The following RPL26L1 variants were observed in gnomAD, a reference collection of about 807,000 sequenced individuals.
RPL26L1 encodes ribosomal protein uL24-like.
Under a neutral mutation model 15.2 loss-of-function variants are expected in RPL26L1, and 8 were observed. That is an observed-to-expected ratio of 0.53 (90% CI 0.31 to 0.95). The LOEUF (loss-of-function observed/expected upper bound fraction) is 0.95. Among genes scored for constraint, RPL26L1 ranks in the 40% least tolerant of loss-of-function variants. RPL26L1 has a pLI of 0.05. For missense variants in RPL26L1, 146 were observed against 190.9 expected, an observed-to-expected ratio of 0.76 and a Z score of 1.39; for synonymous variants, 51 against 65.9, an observed-to-expected ratio of 0.77 and a Z score of 1.09.
chr5:172,968,413 C>CTACTACAATTGTATG (rs1156805970), intron 2 of RPL26L1, 46 bp from the exon 3 acceptor site: 2 of 1,602,740 alleles, frequency 1.2e-6, no homozygotes, highest in Admixed American at 3.4e-5. Flanking sequence ...TCTTTATGAT[C>CTACTACAATTGTATG]ATGCACTACA....
intron 2 of RPL26L1, 123 bp from the exon 3 acceptor site, chr5:172,968,336 T>A (rs755230980): frequency 1.1e-5 from 14 of 1,273,442 alleles, no homozygotes; most frequent in African/African-American, 1.5e-5. Context: ...AATTTTTGAC[T>A]GCCAGGATTA....
intron 3 of RPL26L1, among the ~76,000 whole-genome samples, chr5:172,968,951 G>A (rs1294006850): frequency 6.6e-6 from 1 of 151,562 alleles, no homozygotes; most frequent in African/African-American, 2.4e-5. Flanking sequence ...GGGACTACAG[G>A]CACACACCAC....
In RPL26L1 at chr5:172,959,972, G is replaced by A. The variant is rs904686209; in HGVS notation, c.99G>A (p.Pro33=). The change falls in exon 2 of 4, where the codon CCG becomes CCA. Residue 33 remains proline (P), a synonymous_variant. Transcript: ENST00000265100. ...SHVRRKIMSS[P]LSKELRQKYN... ...TGCGCAGGAAGATCATGTCATCCCC[G>A]CTCTCCAAGGAGCTGCGGCAGAAGT... 6.2e-6 allele frequency: 10 copies of A among 1,614,154 alleles called. No individual in the cohort carries two copies. The highest frequency in any genetic ancestry group is 8.5e-6 in the Non-Finnish European group (10 of 1,180,044).
chr5:172,967,427 T>C (rs983743858), intron 2 of RPL26L1, among the ~76,000 whole-genome samples: 2 of 152,026 alleles, frequency 1.3e-5, no homozygotes, highest in Admixed American at 1.3e-4. Context: ...ATCATGCCAG[T>C]GCCCTCCAGC....
At position 172,960,035 on chromosome 5, in the gene RPL26L1, G is replaced by A. The variant is rs759327366; in HGVS notation, c.162G>A (p.Glu54=). The A allele has an allele frequency of 1.3e-5, 21 of 1,614,084 alleles. No homozygotes were observed. The highest frequency in any genetic ancestry group is 1.6e-5 in the Non-Finnish European group (19 of 1,179,982). Residue 54 remains glutamate, a synonymous_variant, in exon 2 of 4, where the codon GAG becomes GAA. Coordinates refer to ENST00000265100, the MANE Select transcript of RPL26L1 (RefSeq NM_016093.4). ...CCATGCCCATCCGCAAGGACGACGAGGTCCAGGTACGTCTCCCTCCGGCGC... is the reference window on the plus strand; with the variant it reads ...CCATGCCCATCCGCAAGGACGACGAAGTCCAGGTACGTCTCCCTCCGGCGC... ...VRSMPIRKDD[E]VQVVRGHYKG...
At chr5:172,955,366 T>C (rs977694894), upstream of RPL26L1, 1 of 193,728 alleles carries the variant, frequency 5.2e-6, no homozygotes, top group Admixed American at 5.5e-5. Flanking sequence ...TGACCTCAGG[T>C]GATCCACCTG....
At chr5:172,968,835 TGCTC>T (rs1755576486) in intron 3 of RPL26L1, among the ~76,000 whole-genome samples, 1 of 111,682 alleles carries the variant, frequency 9.0e-6, no homozygotes, top group South Asian at 3.1e-4. Flanking sequence ...TTGAGACGGA[TGCTC>T]GCTCTGTCAC....
upstream of RPL26L1, chr5:172,956,112 C>T (rs556285270): frequency 6.6e-6 from 1 of 152,188 alleles, no homozygotes; most frequent in South Asian, 2.1e-4. Context: ...TTTAATTACA[C>T]AAATAACACA....
chr5:172,960,414 A>G (rs7721979), intron 2 of RPL26L1, among the ~76,000 whole-genome samples: 125,583 of 152,002 alleles, frequency 0.83, 52,910 homozygotes, highest in Non-Finnish European at 0.91. Flanking sequence ...ACCGTGCCCC[A>G]CCAAAAATAC....
intron 3 of RPL26L1, among the ~76,000 whole-genome samples, chr5:172,969,004 C>T (rs1755583052): frequency 6.6e-6 from 1 of 151,780 alleles, no homozygotes; most frequent in African/African-American, 2.4e-5. Context: ...GATGGGGTTT[C>T]ACCATGTTGG....
chr5:172,956,010 G>T (rs1207536867), upstream of RPL26L1: 1 of 152,134 alleles, frequency 6.6e-6, no homozygotes, highest in Non-Finnish European at 1.5e-5. Context: ...TTTTGGTTTT[G>T]TTTTTCCTTT....
chr5:172,969,101 C>T (rs1013435646), intron 3 of RPL26L1, among the ~76,000 whole-genome samples: 1 of 151,904 alleles, frequency 6.6e-6, no homozygotes, highest in Admixed American at 6.6e-5. Flanking sequence ...CCATCATGGC[C>T]GGCCGATGGC....
chr5:172,965,790 C>T (rs1037795525), intron 2 of RPL26L1, among the ~76,000 whole-genome samples: 2 of 152,190 alleles, frequency 1.3e-5, no homozygotes, highest in Non-Finnish European at 1.5e-5. Flanking sequence ...ACATGAAGCT[C>T]CTAATTGCCT....
chr5:172,963,594 C>T (rs1755332337), intron 2 of RPL26L1, among the ~76,000 whole-genome samples: 2 of 152,168 alleles, frequency 1.3e-5, no homozygotes. Flanking sequence ...GGTAACTCCT[C>T]ATTCTTCGGG....
At chr5:172,960,227 T>TTAATAG (rs1755178130) in intron 2 of RPL26L1, among the ~76,000 whole-genome samples, 186 bp downstream of exon 2, 1 of 152,172 alleles carries the variant, frequency 6.6e-6, no homozygotes, top group East Asian at 1.9e-4. Context: ...ATTTAATTAT[T>TTAATAG]TAATAGTAAT....
At chr5:172,961,404 TAGCCCATTGATGCCTGGGGGAAATGCA>T (rs1755230934) in intron 2 of RPL26L1, among the ~76,000 whole-genome samples, 1 of 152,208 alleles carries the variant, frequency 6.6e-6, no homozygotes, top group South Asian at 2.1e-4. Flanking sequence ...CATCTACCTT[TAGCCCATTGATGCCTGGGGGAAATGCA>T]GGCCCATTGT....
upstream of RPL26L1, chr5:172,957,526 C>T (rs185802558): frequency 3.6e-6 from 1 of 276,074 alleles, no homozygotes. Flanking sequence ...AATTGATGAG[C>T]AAATGAATGA....
intron 2 of RPL26L1, among the ~76,000 whole-genome samples, chr5:172,967,018 G>A (rs1230696358): frequency 1.3e-5 from 2 of 151,944 alleles, no homozygotes; most frequent in East Asian, 4.0e-4. Flanking sequence ...ACCACGCCCA[G>A]CTAATTTTTG....
intron 2 of RPL26L1, among the ~76,000 whole-genome samples, chr5:172,966,258 C>T (rs974062409): frequency 1.3e-5 from 2 of 151,768 alleles, no homozygotes; most frequent in African/African-American, 4.8e-5. Context: ...ATCCTCCCAC[C>T]TCAGCCTCCC....
Sources: gnomAD v4.1 joint callset for allele counts (sites outside exome capture counted in the v4.1 genomes callset) on GRCh38, gnomAD v4.1.1 for gene constraint, MANE v1.5 for transcripts, NCBI Gene and HGNC (gene_info 2026-07-23, HGNC 2026-07-21) for gene names.